Variants in PCDH9 observed in about 807,000 individuals in gnomAD.
PCDH9 encodes protocadherin-9.
A neutral mutation model predicts 70.6 loss-of-function variants in PCDH9; 24 were observed. The observed-to-expected ratio is 0.34, with a 90% CI of 0.25 to 0.48. The LOEUF is 0.48. PCDH9 is among the 20% of genes least tolerant of loss of function. The probability of loss-of-function intolerance (pLI) is 0.99; values close to 1 mark genes in which losing one functional copy is unlikely to be tolerated. For missense variants in PCDH9, 1,281 were observed against 1,503.6 expected, an observed-to-expected ratio of 0.85 and a Z score of 2.45; for synonymous variants, 562 against 558.5, an observed-to-expected ratio of 1.01 and a Z score of -0.09.
chr13:66,530,845 A>G (rs1960419689), intron 4 of PCDH9, among the ~76,000 whole-genome samples: 1 of 152,186 alleles, frequency 6.6e-6, no homozygotes, highest in Middle Eastern at 3.4e-3. Flanking sequence ...GCTGAAATAT[A>G]TAACTAATCC....
intron 3 of PCDH9, among the ~76,000 whole-genome samples, chr13:66,766,967 T>G (rs767366297): frequency 3.3e-5 from 5 of 152,052 alleles, no homozygotes; most frequent in Non-Finnish European, 5.9e-5. Context: ...GGGTTCTACA[T>G]TCAAAAGAAG....
intron 2 of PCDH9, among the ~76,000 whole-genome samples, chr13:67,037,625 G>A (rs1254999079): frequency 1.3e-5 from 2 of 152,118 alleles, no homozygotes; most frequent in Non-Finnish European, 2.9e-5. Context: ...TGCTATTCTT[G>A]TTACATTGTG....
rs1486652202 is a variant in PCDH9 at position 66,920,096 on chromosome 13, A to G, written c.3037-16491T>C. On this transcript the variant is annotated intron_variant, in intron 2 of 4. Coordinates refer to ENST00000377865, the MANE Select transcript of PCDH9 (RefSeq NM_203487.3). ...AATAAGCACTGGCATACTATTGTTC[A>G]GAAAAACTGATACTTGATATCTAAA... is the stretch of plus-strand genomic sequence containing the variant. Among the ~76,000 whole-genome samples, 14 of 151,084 alleles carry G rather than the reference A, an allele frequency of 9.3e-5. No individual in the cohort carries two copies. The Admixed American group carries it at 9.3e-4, about 10-fold the overall frequency.
At chr13:66,500,838 C>A (rs918408009) in intron 4 of PCDH9, among the ~76,000 whole-genome samples, 1 of 152,018 alleles carries the variant, frequency 6.6e-6, no homozygotes, top group Non-Finnish European at 1.5e-5. Context: ...ATAATGCCAT[C>A]ATTTCCATTA....
rs112101644 is a variant in PCDH9 at position 67,200,633 on chromosome 13, C to T, written c.3036+24772G>A. Among the ~76,000 whole-genome samples the T allele has an allele frequency of 7.0e-4, 106 of 152,174 alleles. 1 individual carries two copies. Among genetic ancestry groups the T allele is most frequent in the African/African-American group, 2.5e-3 (102 of 41,554 alleles). ...CTTAAATACATTTGTAAATTGAGCA[C>T]AAAAGGGTTTAACAGACCTGCATAT... On this transcript the variant is annotated intron_variant, in intron 2 of 4. Transcript: ENST00000377865.
chr13:67,192,571 C>T lies in PCDH9; in HGVS notation c.3036+32834G>A, dbSNP rs369738977. Among the ~76,000 whole-genome samples, 21 of 152,048 alleles carry T rather than the reference C, an allele frequency of 1.4e-4. 1 individual carries two copies. Among genetic ancestry groups the T allele is most frequent in the South Asian group, 8.3e-4 (4 of 4,820 alleles). On this transcript the variant is annotated intron_variant, in intron 2 of 4. Coordinates refer to ENST00000377865, the MANE Select transcript of PCDH9 (RefSeq NM_203487.3). ...CAAGAACATATTCATTCTGACTGAA[C>T]GAAAGTGAATTCAAAATTAGGGGGG... is the stretch of plus-strand genomic sequence containing the variant.
rs55837718 is a variant in PCDH9, at chr13:66,304,260, C to CAAAAA, written c.*390_*394dup. The CAAAAA allele has an allele frequency of 6.1e-5, 4 of 65,474 alleles. No individual in the cohort carries two copies. Among genetic ancestry groups the CAAAAA allele is most frequent in the Admixed American group, 2.3e-4 (1 of 4,444 alleles). The allele number at this position is 65,474 out of a possible 1,614,324, so 4.1% of individuals were successfully genotyped here. A position where few individuals can be genotyped will look rare whatever the true frequency, so the allele number is the denominator to read the frequency against. On this transcript the variant is annotated 3_prime_UTR_variant, in exon 5 of 5. Transcript: ENST00000377865. Reference sequence around the variant, plus strand: ...TAGCAGTCCCAGCACAAATCAATGACAAAAAAAAAAAAAAAAAAAAAAAAA... The same window carrying CAAAAA: ...TAGCAGTCCCAGCACAAATCAATGACAAAAAAAAAAAAAAAAAAAAAAAAAAAAAA...
intron 3 of PCDH9, among the ~76,000 whole-genome samples, chr13:66,785,600 C>T (rs2080067231): frequency 6.6e-6 from 1 of 152,040 alleles, no homozygotes. Context: ...CAGAGAATTT[C>T]ATTCTATGAG....
At position 66,436,831 on chromosome 13, in the gene PCDH9, G is replaced by A. The variant is rs369526796; in HGVS notation, c.3341-131803C>T. Among the ~76,000 whole-genome samples the A allele has an allele frequency of 4.6e-5, 7 of 151,900 alleles. No homozygotes were observed. In the East Asian group the frequency reaches 7.7e-4, roughly 17 times the overall value. ...AATTATACAAGACAAAGCTTCATGAGCAATTTCCATTCAGTAGTGTGCCAA... is the reference window on the plus strand; with the variant it reads ...AATTATACAAGACAAAGCTTCATGAACAATTTCCATTCAGTAGTGTGCCAA... On this transcript the variant is annotated intron_variant, in intron 4 of 4. Coordinates refer to ENST00000377865, the MANE Select transcript of PCDH9 (RefSeq NM_203487.3).
intron 4 of PCDH9, among the ~76,000 whole-genome samples, chr13:66,515,589 C>T (rs971096375): frequency 1.1e-4 from 16 of 151,878 alleles, no homozygotes; most frequent in African/African-American, 3.6e-4. Flanking sequence ...AATTAGCAAC[C>T]GGAAGCAAAT....
chr13:67,000,045 C>T (rs1402554487), intron 2 of PCDH9, among the ~76,000 whole-genome samples: 9 of 152,002 alleles, frequency 5.9e-5, no homozygotes, highest in South Asian at 2.1e-4. Flanking sequence ...ATGTTTATTG[C>T]GGCACTATTC....
intron 2 of PCDH9, chr13:67,202,332 G>T (rs1324484244): frequency 6.6e-6 from 1 of 152,012 alleles, no homozygotes; most frequent in Non-Finnish European, 1.5e-5. Context: ...TATTATTATT[G>T]TTATGTTTCA....
intron 2 of PCDH9, among the ~76,000 whole-genome samples, chr13:67,101,683 C>T (rs769769997): frequency 1.3e-5 from 2 of 152,180 alleles, no homozygotes; most frequent in Non-Finnish European, 2.9e-5. Flanking sequence ...GTAACTATCA[C>T]TCAATGAGTA....
intron 2 of PCDH9, among the ~76,000 whole-genome samples, chr13:66,910,558 A>G (rs1377085658): frequency 6.6e-6 from 1 of 152,130 alleles, no homozygotes; most frequent in East Asian, 1.9e-4. Flanking sequence ...TAAAAAGAGG[A>G]TTGGGGAAAA....
chr13:66,999,122 C>G (rs187936986), intron 2 of PCDH9, among the ~76,000 whole-genome samples: 1 of 152,182 alleles, frequency 6.6e-6, no homozygotes, highest in East Asian at 1.9e-4. Flanking sequence ...TTGCCTATCT[C>G]TCTGCCTTTG....
intron 3 of PCDH9, among the ~76,000 whole-genome samples, chr13:66,733,909 A>G (rs984894506): frequency 1.3e-5 from 2 of 152,142 alleles, no homozygotes; most frequent in African/African-American, 4.8e-5. Context: ...TTCAGACTAT[A>G]TATCTGTGCA....
chr13:66,707,169 T>C (rs958733612), intron 3 of PCDH9, among the ~76,000 whole-genome samples: 1 of 152,228 alleles, frequency 6.6e-6, no homozygotes, highest in African/African-American at 2.4e-5. Context: ...ATGGTCATAC[T>C]TGGTCCTTAA....
intron 2 of PCDH9, among the ~76,000 whole-genome samples, chr13:67,182,216 A>T (rs993284248): frequency 1.7e-4 from 26 of 152,168 alleles, no homozygotes; most frequent in Non-Finnish European, 3.1e-4. Flanking sequence ...TAGACATTTT[A>T]ATCATCCTGC....
At chr13:67,224,330 A>C (rs1458119815) in intron 2 of PCDH9, 3 of 152,190 alleles carry the variant, frequency 2.0e-5, no homozygotes, top group Admixed American at 2.0e-4. Flanking sequence ...ATTAAATAAA[A>C]GGTATCTTTG....
Sources: allele counts gnomAD v4.1 joint callset (sites outside exome capture counted in the v4.1 genomes callset), GRCh38; gene constraint gnomAD v4.1.1; transcripts MANE v1.5; gene names NCBI Gene and HGNC (gene_info 2026-07-23, HGNC 2026-07-21).